Variants in NNT observed in about 807,000 individuals in gnomAD.
The protein encoded by NNT is nicotinamide nucleotide transhydrogenase.
Under a neutral mutation model 104.8 loss-of-function variants are expected in NNT, and 50 were observed. The ratio of observed to expected loss-of-function variants is 0.48; its 90% CI spans 0.38 to 0.60. The LOEUF (loss-of-function observed/expected upper bound fraction) is 0.60, where lower values mean the gene tolerates loss of function less well. Ranked by LOEUF, NNT falls within the 20% of genes least tolerant of loss-of-function variation. The pLI is 0.00. For synonymous variants in NNT, 461 were observed against 490.4 expected, an observed-to-expected ratio of 0.94 and a Z score of 0.79; for missense variants, 1,131 against 1,330.7, an observed-to-expected ratio of 0.85 and a Z score of 2.33.
chr5:43,669,749 T>G (rs1160229861), intron 17 of NNT, among the ~76,000 whole-genome samples: 5 of 152,178 alleles, frequency 3.3e-5, no homozygotes, highest in South Asian at 2.1e-4. Flanking sequence ...TCTCTTTTTT[T>G]GTTGTGTCTC....
At chr5:43,663,733 C>T (rs557827227) in intron 17 of NNT, among the ~76,000 whole-genome samples, 13 of 152,134 alleles carry the variant, frequency 8.5e-5, no homozygotes, top group Non-Finnish European at 1.5e-4. Context: ...ATTTAATCCC[C>T]GCACAAATTC....
At position 43,705,730 on chromosome 5, in the gene NNT, A is replaced by C. The variant is rs1431979383; in HGVS notation, c.*1326A>C. The C allele has an allele frequency of 1.3e-5, 2 of 151,686 alleles. No individual in the cohort carries two copies. Among genetic ancestry groups the C allele is most frequent in the African/African-American group, 4.8e-5 (2 of 41,282 alleles). 9.4% of individuals were successfully genotyped at this position (151,686 alleles called of 1,614,324 possible). A position where few individuals can be genotyped will look rare whatever the true frequency, so the allele number is the denominator to read the frequency against. ...ACACACAGTATCTTTTGGTTTTATAATCAGTTTCTATTTTGCTGTGCCTGA... is the reference window on the plus strand; with the variant it reads ...ACACACAGTATCTTTTGGTTTTATACTCAGTTTCTATTTTGCTGTGCCTGA... On this transcript the variant is annotated 3_prime_UTR_variant, in exon 22 of 22. Coordinates refer to ENST00000344920, the MANE Select transcript of NNT (RefSeq NM_182977.3).
chr5:43,609,131 CT>C lies in NNT; in HGVS notation c.-53-6del. 1.5e-6 allele frequency: 2 copies of C among 1,365,328 alleles called. No homozygotes were observed. The highest frequency in any genetic ancestry group is 2.7e-5 in the South Asian group (2 of 74,220). The allele number at this position is 1,365,328 out of a possible 1,614,324, so 84.6% of individuals were successfully genotyped here. On this transcript the variant is annotated splice_polypyrimidine_tract_variant and intron_variant, in intron 1 of 21. Transcript: ENST00000344920. ...TCTTGGCATATATACATCCTATTTT[CT>C]TTTTTCTTAGTGATTTGCCTTCAAG... is the stretch of plus-strand genomic sequence containing the variant.
At chr5:43,657,009 A>AC (rs1740090406) in intron 16 of NNT, among the ~76,000 whole-genome samples, 196 bp downstream of exon 16, 1 of 152,204 alleles carries the variant, frequency 6.6e-6, no homozygotes, top group African/African-American at 2.4e-5. Context: ...CTTTCTTGCA[A>AC]CTTAATTGTT....
At chr5:43,655,288 T>C (rs1005780360) in intron 14 of NNT, among the ~76,000 whole-genome samples, 4 of 152,198 alleles carry the variant, frequency 2.6e-5, no homozygotes, top group African/African-American at 7.2e-5. Context: ...GGGTGTTCAT[T>C]GGAGTTGGGT....
At position 43,650,462 on chromosome 5, in the gene NNT, A is replaced by G. The variant is rs1405811376; in HGVS notation, c.1607-15A>G. The G allele has an allele frequency of 3.8e-6, 6 of 1,594,522 alleles. No homozygotes were observed. Among genetic ancestry groups the G allele is most frequent in the South Asian group, 1.1e-5 (1 of 90,636 alleles). On this transcript the variant is annotated splice_polypyrimidine_tract_variant and intron_variant, in intron 11 of 21. Transcript: ENST00000344920. ...GTCACTATCACTATTAACCATGTTA[A>G]TGCTTTCTTTCTAGGGCTGACTGCA...
intron 16 of NNT, among the ~76,000 whole-genome samples, 168 bp from the exon 17 acceptor site, chr5:43,659,003 A>G (rs1282998441): frequency 6.6e-6 from 1 of 152,040 alleles, no homozygotes; most frequent in Admixed American, 6.6e-5. Context: ...TATAGTTGTT[A>G]TACCTGTGGA....
At chr5:43,695,838 G>A (rs758610308) in intron 19 of NNT, among the ~76,000 whole-genome samples, 93 of 152,272 alleles carry the variant, frequency 6.1e-4, no homozygotes, top group Admixed American at 1.5e-3. Context: ...GAGAGCTTGT[G>A]CAGGGAAACT....
intron 16 of NNT, among the ~76,000 whole-genome samples, chr5:43,658,173 C>T (rs1386951958): frequency 6.6e-6 from 1 of 151,990 alleles, no homozygotes; most frequent in Non-Finnish European, 1.5e-5. Flanking sequence ...AAATCTAAAA[C>T]TTTAAGAATT....
At chr5:43,681,539 A>G (rs2112133391) in intron 19 of NNT, among the ~76,000 whole-genome samples, 1 of 152,146 alleles carries the variant, frequency 6.6e-6, no homozygotes, top group Admixed American at 6.5e-5. Flanking sequence ...AGCTGGGACT[A>G]CAGGCGCATA....
At chr5:43,625,721 A>G (rs1750327195) in intron 6 of NNT, among the ~76,000 whole-genome samples, 1 of 152,156 alleles carries the variant, frequency 6.6e-6, no homozygotes, top group South Asian at 2.1e-4. Context: ...ATCTTGCCTA[A>G]TGCTTGTATC....
intron 19 of NNT, among the ~76,000 whole-genome samples, chr5:43,699,290 T>TA (rs2112242314): frequency 6.6e-6 from 1 of 152,102 alleles, no homozygotes; most frequent in Admixed American, 6.6e-5. Flanking sequence ...TAGTATTTTA[T>TA]ATCATTCTCT....
intron 18 of NNT, among the ~76,000 whole-genome samples, chr5:43,677,104 G>A (rs1580098471): frequency 6.6e-6 from 1 of 151,880 alleles, no homozygotes; most frequent in East Asian, 1.9e-4. Context: ...CTTTTTTTGA[G>A]ACATTAAATT....
intron 3 of NNT, 93 bp from the exon 4 acceptor site, chr5:43,615,755 T>TACTC (rs1749751724): frequency 2.2e-6 from 2 of 925,702 alleles, no homozygotes; most frequent in Non-Finnish European, 3.2e-6. Context: ...GAGTATTATT[T>TACTC]CAGTCATGGC....
In NNT at chr5:43,705,815, G is replaced by T. The variant is rs796364031; in HGVS notation, c.*1411G>T. 8 of 151,854 alleles carry T rather than the reference G, an allele frequency of 5.3e-5. 1 individual carries two copies. Among genetic ancestry groups the T allele is most frequent in the East Asian group, 1.9e-4 (1 of 5,174 alleles). 9.4% of individuals were successfully genotyped at this position (151,854 alleles called of 1,614,324 possible). ...TGCGTTTGTGTGTTAAAGCAGAAAA[G>T]ACTTTTTTAAAAGTTTTAAGTGATA... is the stretch of plus-strand genomic sequence containing the variant. On this transcript the variant is annotated 3_prime_UTR_variant, in exon 22 of 22. Transcript: ENST00000344920.
At chr5:43,682,648 A>C (rs1363544761) in intron 19 of NNT, among the ~76,000 whole-genome samples, 1 of 152,252 alleles carries the variant, frequency 6.6e-6, no homozygotes, top group African/African-American at 2.4e-5. Context: ...ATTTCTGACG[A>C]GAATAGAAAC....
intron 5 of NNT, 53 bp downstream of exon 5, chr5:43,619,172 G>A: frequency 9.8e-7 from 1 of 1,018,652 alleles, no homozygotes; most frequent in Non-Finnish European, 1.4e-6. Flanking sequence ...AAAGGAAAGG[G>A]TATGTATAGT....
At chr5:43,699,536 TAGA>T (rs1343055810) in intron 19 of NNT, among the ~76,000 whole-genome samples, 2 of 152,026 alleles carry the variant, frequency 1.3e-5, no homozygotes, top group African/African-American at 4.8e-5. Context: ...GTATTTTTAG[TAGA>T]GATAGGGTTT....
chr5:43,659,286 T>A lies in NNT; in HGVS notation c.2570T>A (p.Leu857Gln). 1 of 1,614,106 alleles carries A rather than the reference T, an allele frequency of 6.2e-7. No homozygotes were observed. Among genetic ancestry groups the A allele is most frequent in the Non-Finnish European group, 8.5e-7 (1 of 1,180,026 alleles). The change falls in exon 17 of 22, where the codon CTG becomes CAG. Residue 857 changes from leucine to glutamine, a missense_variant. Coordinates refer to ENST00000344920, the MANE Select transcript of NNT (RefSeq NM_182977.3). ...GAGGGCTTCCTGCTCAACAACAATC[T>A]GCTGACCATCGTGGGTGCACTCATA... Reference protein sequence around the residue: ...CAEGFLLNNNLLTIVGALIGS... With the variant: ...CAEGFLLNNNQLTIVGALIGS...
Sources: allele counts gnomAD v4.1 joint callset (sites outside exome capture counted in the v4.1 genomes callset), GRCh38; gene constraint gnomAD v4.1.1; transcripts MANE v1.5; gene names NCBI Gene and HGNC (gene_info 2026-07-23, HGNC 2026-07-21).